SPINK5: variants seen among roughly 807,000 people sequenced by gnomAD.
SPINK5 encodes serine protease inhibitor Kazal-type 5.
SPINK5 carries 125 observed loss-of-function variants against 151.8 expected under a neutral mutation model. The ratio of observed to expected loss-of-function variants is 0.82; its 90% CI spans 0.71 to 0.96. The LOEUF (loss-of-function observed/expected upper bound fraction) is 0.96, where lower values mean the gene tolerates loss of function less well. Ranked by LOEUF, SPINK5 falls within the 40% of genes least tolerant of loss-of-function variation. SPINK5 has a pLI of 0.00. For missense variants in SPINK5, 1,194 were observed against 1,291.9 expected, an observed-to-expected ratio of 0.92 and a Z score of 1.16; for synonymous variants, 374 against 395.3, an observed-to-expected ratio of 0.95 and a Z score of 0.64.
At chr5:148,115,272 G>A (rs1754055114) in intron 21 of SPINK5, among the ~76,000 whole-genome samples, 1 of 152,134 alleles carries the variant, frequency 6.6e-6, no homozygotes, top group South Asian at 2.1e-4. Context: ...AAAAAAACAA[G>A]TCATTTAGTT....
intron 2 of SPINK5, among the ~76,000 whole-genome samples, chr5:148,069,520 A>G (rs1372013344): frequency 1.3e-5 from 2 of 151,356 alleles, no homozygotes; most frequent in South Asian, 2.1e-4. Context: ...GCAATTATTG[A>G]GAAATTTCCT....
chr5:148,124,031 T>TA, intron 27 of SPINK5, 71 bp downstream of exon 27: 1 of 1,566,090 alleles, frequency 6.4e-7, no homozygotes, highest in African/African-American at 1.4e-5. Flanking sequence ...TTGTTACTTT[T>TA]AAAACCTAAG....
At chr5:148,112,358 C>T (rs34225415) in intron 19 of SPINK5, among the ~76,000 whole-genome samples, 23,306 of 152,146 alleles carry the variant, frequency 0.15, 2,448 homozygotes, top group East Asian at 0.32. Flanking sequence ...ATGGCATGTG[C>T]GTCTTATTCT....
chr5:148,110,926 C>T (rs1313141601), intron 18 of SPINK5, among the ~76,000 whole-genome samples: 1 of 151,910 alleles, frequency 6.6e-6, no homozygotes, highest in African/African-American at 2.4e-5. Context: ...ACCTATGTAA[C>T]AAACCTGCAT....
Position 148,108,750 on chromosome 5 carries a change from C to T in SPINK5, c.1608-3C>T, listed in dbSNP as rs952857152. 3 of 1,610,374 alleles carry T rather than the reference C, an allele frequency of 1.9e-6. No homozygotes were observed. Among genetic ancestry groups the T allele is most frequent in the East Asian group, 2.2e-5 (1 of 44,722 alleles). ...CAGCCTATATCTTCTTTTTCTATTA[C>T]AGCAAACTTGAAGAAGAAGAGAAGA... is the stretch of plus-strand genomic sequence containing the variant. On this transcript the variant is annotated splice_region_variant and splice_polypyrimidine_tract_variant and intron_variant, in intron 17 of 32. Coordinates refer to ENST00000256084, the MANE Select transcript of SPINK5 (RefSeq NM_006846.4).
Position 148,095,893 on chromosome 5 carries a change from AAG to A in SPINK5, c.874_875del (p.Glu292AsnfsTer24). 6.2e-7 allele frequency: 1 copy of A among 1,611,604 alleles called. No homozygotes were observed. The highest frequency in any genetic ancestry group is 8.5e-7 in the Non-Finnish European group (1 of 1,178,356). On this transcript the variant is annotated frameshift_variant, in exon 10 of 33. Coordinates refer to ENST00000256084, the MANE Select transcript of SPINK5 (RefSeq NM_006846.4). LOFTEE classifies it high-confidence loss of function. ...AAGCTGAAGAAAAAACTAAAGTTAA[AAG>A]AGAAATTGTGGTGAGAATCAGTTTG... The part of the protein sequence containing the change: ...GKAEEKTKVK[R>X]EIVKLCSQYQ...
intron 4 of SPINK5, among the ~76,000 whole-genome samples, chr5:148,082,538 T>A (rs776595803): frequency 2.6e-5 from 4 of 151,094 alleles, no homozygotes; most frequent in Non-Finnish European, 5.9e-5. Flanking sequence ...TATTGATTAT[T>A]TGTTATTTCT....
chr5:148,093,045 C>T (rs753625218), intron 8 of SPINK5, among the ~76,000 whole-genome samples: 1 of 151,880 alleles, frequency 6.6e-6, no homozygotes, highest in Non-Finnish European at 1.5e-5. Context: ...TGGCCCAGGT[C>T]ATTTGACTCC....
Position 148,107,106 on chromosome 5 carries a change from G to T in SPINK5, c.1549G>T (p.Val517Phe). Residue 517 changes from valine (V) to phenylalanine (F), a missense_variant, in exon 17 of 33, where the codon GTC becomes TTC. Val to Phe is a conservative substitution (Grantham distance 50). Coordinates refer to ENST00000256084, the MANE Select transcript of SPINK5 (RefSeq NM_006846.4). ...TATATGCACCAGGGAGCATAATCCT[G>T]TCCGTGGCCCAGATGGCAAAATGCA... ...TLICTREHNP[V>F]RGPDGKMHGN... 1 of 1,613,492 alleles carries T rather than the reference G, an allele frequency of 6.2e-7. No homozygotes were observed. The highest frequency in any genetic ancestry group is 8.5e-7 in the Non-Finnish European group (1 of 1,179,634).
At chr5:148,079,799 T>C (rs1373628926) in intron 4 of SPINK5, among the ~76,000 whole-genome samples, 1 of 151,196 alleles carries the variant, frequency 6.6e-6, no homozygotes, top group Non-Finnish European at 1.5e-5. Context: ...ACTAACATTA[T>C]AATTAATGGT....
At chr5:148,125,961 A>C in intron 29 of SPINK5, 111 bp downstream of exon 29, 1 of 1,517,190 alleles carries the variant, frequency 6.6e-7, no homozygotes, top group South Asian at 1.1e-5. Flanking sequence ...TTTAAAAATA[A>C]GTCTTTAGAA....
At chr5:148,124,961 T>A in intron 28 of SPINK5, 124 bp downstream of exon 28, 2 of 1,281,806 alleles carry the variant, frequency 1.6e-6, no homozygotes, top group South Asian at 4.8e-5. Context: ...TTGATTTTTC[T>A]TGTCTTGTCA....
At chr5:148,106,824 C>G (rs182858118) in intron 16 of SPINK5, among the ~76,000 whole-genome samples, 8 of 152,174 alleles carry the variant, frequency 5.3e-5, no homozygotes, top group Admixed American at 2.0e-4. Flanking sequence ...ACAACACACA[C>G]GTATGTTTTT....
chr5:148,112,698 A>C (rs549482899), intron 19 of SPINK5, among the ~76,000 whole-genome samples, 170 bp from the exon 20 acceptor site: 1 of 152,082 alleles, frequency 6.6e-6, no homozygotes, highest in Admixed American at 6.6e-5. Context: ...ACAAACAAAC[A>C]AAAGGACAAG....
chr5:148,116,819 G>A (rs747666272), intron 22 of SPINK5, among the ~76,000 whole-genome samples: 4 of 152,016 alleles, frequency 2.6e-5, no homozygotes, highest in Non-Finnish European at 5.9e-5. Context: ...CTTTTTTTAG[G>A]TGTCTTTTCT....
In SPINK5 at chr5:148,088,578, GGA is replaced by G. The variant is rs1257508293; in HGVS notation, c.448_449del (p.Glu150MetfsTer2). 1 of 1,611,698 alleles carries G rather than the reference GGA, an allele frequency of 6.2e-7. No homozygotes were observed. Among genetic ancestry groups the G allele is most frequent in the South Asian group, 1.1e-5 (1 of 91,022 alleles). ...GSQIGVKSEG[E>X]CKSSNPEQDV... is the part of the protein sequence containing the mutation. ...CCCAAATTGGTGTAAAAAGTGAAGGGGAATGTAAGAGCAGTAATCCAGAGCAG... is the reference window on the plus strand; with the variant it reads ...CCCAAATTGGTGTAAAAAGTGAAGGGATGTAAGAGCAGTAATCCAGAGCAG... On this transcript the variant is annotated frameshift_variant, in exon 6 of 33. Transcript: ENST00000256084. LOFTEE classifies it high-confidence loss of function.
rs1445414053 is a variant in SPINK5 at position 148,089,749 on chromosome 5, G to A, written c.602+128G>A. 3 of 1,373,362 alleles carry A rather than the reference G, an allele frequency of 2.2e-6. No homozygotes were observed. In the African/African-American group the frequency reaches 4.3e-5, roughly 20 times the overall value. The allele number at this position is 1,373,362 out of a possible 1,614,324, so 85.1% of individuals were successfully genotyped here. A position where few individuals can be genotyped will look rare whatever the true frequency, so the allele number is the denominator to read the frequency against. ...TTCTTTGTCTTTACACTGTGAAATA[G>A]CCTTTCTCACAGAAAGGCTTCTTTT... On this transcript the variant is annotated intron_variant, in intron 7 of 32. Transcript: ENST00000256084.
intron 8 of SPINK5, among the ~76,000 whole-genome samples, chr5:148,092,019 C>G (rs568088041): frequency 1.3e-5 from 2 of 151,926 alleles, no homozygotes; most frequent in African/African-American, 2.4e-5. Context: ...TTGCCATGCT[C>G]TGGGTGTGGG....
At chr5:148,064,173 T>A in intron 1 of SPINK5, 74 bp downstream of exon 1, 1 of 1,533,668 alleles carries the variant, frequency 6.5e-7, no homozygotes, top group Non-Finnish European at 9.0e-7. Flanking sequence ...TTTCTCCCCC[T>A]ACTCCTGCCA....
Sources: allele counts gnomAD v4.1 joint callset (sites outside exome capture counted in the v4.1 genomes callset), GRCh38; gene constraint gnomAD v4.1.1; transcripts MANE v1.5; gene names NCBI Gene and HGNC (gene_info 2026-07-23, HGNC 2026-07-21).